The following MRPL15 variants were observed in gnomAD, a reference collection of about 807,000 sequenced individuals.
The protein encoded by MRPL15 is mitochondrial ribosomal protein L15.
Under a neutral mutation model 28.0 loss-of-function variants are expected in MRPL15, and 24 were observed. The ratio of observed to expected loss-of-function variants is 0.86; its 90% confidence interval spans 0.62 to 1.21. MRPL15 has a LOEUF of 1.21. Ranked by LOEUF, MRPL15 falls within the 50% of genes most tolerant of loss-of-function variation. MRPL15 has a pLI of 0.00. For synonymous variants in MRPL15, 124 were observed against 137.0 expected (o/e 0.90, Z 0.66); for missense variants, 343 against 372.4 (o/e 0.92, Z 0.65).
chr8:54,142,143 C>A (rs369725459), intron 3 of MRPL15, among the ~76,000 whole-genome samples: 1 of 150,676 alleles, frequency 6.6e-6, no homozygotes, highest in Non-Finnish European at 1.5e-5. Flanking sequence ...GCCACCATGC[C>A]TGGCCTTATT....
chr8:54,144,684 T>C (rs956683745), intron 4 of MRPL15, among the ~76,000 whole-genome samples: 1 of 151,836 alleles, frequency 6.6e-6, no homozygotes, highest in African/African-American at 2.4e-5. Flanking sequence ...GGCAGGAGAA[T>C]CCCTTGAACC....
At chr8:54,138,769 T>G (rs898698232) in intron 3 of MRPL15, among the ~76,000 whole-genome samples, 1 of 152,196 alleles carries the variant, frequency 6.6e-6, no homozygotes, top group African/African-American at 2.4e-5. Flanking sequence ...TTTCATTGTC[T>G]TCCTCACTAG....
At chr8:54,143,639 G>A (rs1035867553) in intron 4 of MRPL15, among the ~76,000 whole-genome samples, 6 of 152,210 alleles carry the variant, frequency 3.9e-5, no homozygotes, top group African/African-American at 9.6e-5. Flanking sequence ...GTGGAGTGAC[G>A]TGGCACAAGG....
intron 4 of MRPL15, among the ~76,000 whole-genome samples, chr8:54,146,313 G>A (rs1228875436): frequency 6.6e-6 from 1 of 152,164 alleles, no homozygotes; most frequent in Non-Finnish European, 1.5e-5. Flanking sequence ...TGAGCATGGT[G>A]GTGCATGCCT....
At chr8:54,145,423 G>T (rs1303052997) in intron 4 of MRPL15, among the ~76,000 whole-genome samples, 2 of 151,960 alleles carry the variant, frequency 1.3e-5, no homozygotes, top group Non-Finnish European at 2.9e-5. Flanking sequence ...TGTTGCCCAT[G>T]CTGGTCTCAA....
chr8:54,148,360 G>T lies in MRPL15; in HGVS notation c.*641G>T, dbSNP rs1811082752. Among the ~76,000 whole-genome samples, 1 of 152,344 alleles carries T rather than the reference G, an allele frequency of 6.6e-6. No individual in the cohort carries two copies. Among genetic ancestry groups the T allele is most frequent in the South Asian group, 2.1e-4 (1 of 4,832 alleles). ...CTTTGTTCTTAGAGCTCCCAAGATGGTGGTGGCCACTCCCAAGATGGCAGC... is the reference window on the plus strand; with the variant it reads ...CTTTGTTCTTAGAGCTCCCAAGATGTTGGTGGCCACTCCCAAGATGGCAGC... On this transcript the variant is annotated 3_prime_UTR_variant, in exon 5 of 5. Coordinates refer to ENST00000260102, the MANE Select transcript of MRPL15 (RefSeq NM_014175.4).
chr8:54,142,143 C>T (rs369725459), intron 3 of MRPL15, among the ~76,000 whole-genome samples: 20 of 150,788 alleles, frequency 1.3e-4, no homozygotes, highest in African/African-American at 4.4e-4. Flanking sequence ...GCCACCATGC[C>T]TGGCCTTATT....
At position 54,135,300 on chromosome 8, in the gene MRPL15, AG is replaced by A; in HGVS notation, c.20del (p.Gly7AlafsTer16). 2 of 1,401,870 alleles carry A rather than the reference AG, an allele frequency of 1.4e-6. No homozygotes were observed. Among genetic ancestry groups the A allele is most frequent in the South Asian group, 1.6e-5 (1 of 63,704 alleles). The allele number at this position is 1,401,870 out of a possible 1,614,324, so 86.8% of individuals were successfully genotyped here. A position where few individuals can be genotyped will look rare whatever the true frequency, so the allele number is the denominator to read the frequency against. On this transcript the variant is annotated frameshift_variant, in exon 1 of 5. Coordinates refer to ENST00000260102, the MANE Select transcript of MRPL15 (RefSeq NM_014175.4). LOFTEE classifies it high-confidence loss of function. MAGPL[Q>X]GGGARALDLL... is the part of the protein sequence containing the mutation. Reference sequence around the variant, plus strand: ...CTGCGGGTTATGGCCGGTCCCTTGCAGGGCGGTGGGGCCCGGGCCCTGGACC... The same window carrying A: ...CTGCGGGTTATGGCCGGTCCCTTGCAGGCGGTGGGGCCCGGGCCCTGGACC...
intron 4 of MRPL15, among the ~76,000 whole-genome samples, chr8:54,146,446 CA>C (rs34515810): frequency 0.32 from 29,583 of 92,966 alleles, 3,652 homozygotes; most frequent in East Asian, 0.73. Context: ...GACTTTGTCT[CA>C]AAAAAAAAAA....
At chr8:54,145,055 C>T (rs1022436250) in intron 4 of MRPL15, among the ~76,000 whole-genome samples, 1 of 152,224 alleles carries the variant, frequency 6.6e-6, no homozygotes, top group Non-Finnish European at 1.5e-5. Flanking sequence ...GAGGCACCCT[C>T]AGCCTTGATG....
chr8:54,147,462 C>T lies in MRPL15; in HGVS notation c.634C>T (p.Pro212Ser). The T allele has an allele frequency of 6.2e-7, 1 of 1,614,128 alleles. No homozygotes were observed. The highest frequency in any genetic ancestry group is 8.5e-7 in the Non-Finnish European group (1 of 1,180,008). The stretch of plus-strand genomic sequence containing the variant: ...AATGCTTCCACCAGAAGAACTGGTA[C>T]CATATTACACTGATGCAAAGAACCG... ...KRMLPPEELV[P>S]YYTDAKNRGY... The change falls in exon 5 of 5, where the codon CCA becomes TCA. Residue 212 changes from proline to serine, a missense_variant. Transcript: ENST00000260102.
At chr8:54,144,804 CA>C (rs1811016388) in intron 4 of MRPL15, among the ~76,000 whole-genome samples, 1 of 152,020 alleles carries the variant, frequency 6.6e-6, no homozygotes, top group African/African-American at 2.4e-5. Context: ...AATTTGCCAA[CA>C]TGATGATTCC....
At chr8:54,137,194 A>G in intron 2 of MRPL15, 74 bp from the exon 3 acceptor site, 2 of 1,438,068 alleles carry the variant, frequency 1.4e-6, no homozygotes, top group Non-Finnish European at 1.9e-6. Context: ...AAAACACAAG[A>G]CAAAGCTTTG....
rs572677112 is a variant in MRPL15 at position 54,135,360 on chromosome 8, A to G, written c.77A>G (p.Asn26Ser). ...LRGLPRVSLA[N>S]LKPNPGSKKP... ...GGCCTGCCGCGTGTGAGCCTGGCCAACTTAAAGCCGAATCCCGGCTCCAAG... is the reference window on the plus strand; with the variant it reads ...GGCCTGCCGCGTGTGAGCCTGGCCAGCTTAAAGCCGAATCCCGGCTCCAAG... The change falls in exon 1 of 5, where the codon AAC becomes AGC. Residue 26 changes from asparagine to serine, a missense_variant. Coordinates refer to ENST00000260102, the MANE Select transcript of MRPL15 (RefSeq NM_014175.4). 3.9e-6 allele frequency: 6 copies of G among 1,524,058 alleles called. No homozygotes were observed. The African/African-American group carries it at 5.7e-5, about 14-fold the overall frequency. 94.4% of individuals were successfully genotyped at this position (1,524,058 alleles called of 1,614,324 possible).
At chr8:54,136,800 A>AT in intron 2 of MRPL15, 135 bp downstream of exon 2, 1 of 1,095,994 alleles carries the variant, frequency 9.1e-7, no homozygotes. Context: ...CCCCTGAACC[A>AT]TTTTTTGGTA....
At chr8:54,144,553 A>T (rs1303150538) in intron 4 of MRPL15, among the ~76,000 whole-genome samples, 1 of 152,078 alleles carries the variant, frequency 6.6e-6, no homozygotes, top group East Asian at 1.9e-4. Context: ...GACGGATCAC[A>T]TGAGGTCAGG....
rs1215043569 is a variant in MRPL15, at chr8:54,140,604, C to T, written c.430-2059C>T. ...TTTTTTTTTTTTTGAGATGGAGTCT[C>T]GCTCTGTCACCCAGGCTGGAGTGCA... On this transcript the variant is annotated intron_variant, in intron 3 of 4. Transcript: ENST00000260102. 2.1e-4 allele frequency among the ~76,000 whole-genome samples: 19 copies of T among 90,532 alleles called. No homozygotes were observed. In the South Asian group the frequency reaches 2.6e-3, roughly 12 times the overall value. The allele number at this position is 90,532 out of a possible 152,430, so 59.4% of individuals were successfully genotyped here.
At position 54,148,203 on chromosome 8, in the gene MRPL15, G is replaced by A. The variant is rs1033265676; in HGVS notation, c.*484G>A. ...TCAACTCGAAGAGTAAGATCAGGAC[G>A]TATGCTTAAGGTGTAAGGCTGAGGA... On this transcript the variant is annotated 3_prime_UTR_variant, in exon 5 of 5. Coordinates refer to ENST00000260102, the MANE Select transcript of MRPL15 (RefSeq NM_014175.4). Among the ~76,000 whole-genome samples the A allele has an allele frequency of 6.6e-6, 1 of 152,192 alleles. No homozygotes were observed. The highest frequency in any genetic ancestry group is 2.4e-5 in the African/African-American group (1 of 41,448).
intron 3 of MRPL15, among the ~76,000 whole-genome samples, chr8:54,137,820 C>G (rs1303717949): frequency 1.3e-5 from 2 of 151,984 alleles, no homozygotes; most frequent in African/African-American, 2.4e-5. Context: ...TTATTTTTAG[C>G]CCATTTGTGT....
Sources: allele counts gnomAD v4.1 joint callset (sites outside exome capture counted in the v4.1 genomes callset), GRCh38; gene constraint gnomAD v4.1.1; transcripts MANE v1.5; gene names NCBI Gene and HGNC (gene_info 2026-07-23, HGNC 2026-07-21).